The following GDPD4 variants were observed in gnomAD, a reference collection of about 807,000 sequenced individuals.
GDPD4 encodes the protein glycerophosphodiester phosphodiesterase domain containing 4.
GDPD4 carries 60 observed loss-of-function variants against 67.8 expected under a neutral mutation model. That is an observed-to-expected ratio of 0.88 (90% CI 0.72 to 1.10). GDPD4 has a LOEUF of 1.10. GDPD4 is among the 50% of genes least tolerant of loss of function. The probability of loss-of-function intolerance (pLI) is 0.00; values close to 1 mark genes in which losing one functional copy is unlikely to be tolerated. For synonymous variants in GDPD4, 212 were observed against 210.9 expected (o/e 1.00, Z -0.04); for missense variants, 623 against 613.9 (o/e 1.01, Z -0.16).
chr11:77,223,237 C>G (rs1333758369), intron 16 of GDPD4, among the ~76,000 whole-genome samples: 1 of 152,190 alleles, frequency 6.6e-6, no homozygotes, highest in Non-Finnish European at 1.5e-5. Flanking sequence ...CAAAGTCATT[C>G]TCCATCCAGC....
chr11:77,222,985 G>A (rs1958257007), intron 16 of GDPD4, among the ~76,000 whole-genome samples: 2 of 152,080 alleles, frequency 1.3e-5, no homozygotes, highest in South Asian at 2.1e-4. Flanking sequence ...TTCAATCACT[G>A]ATACCCTTTC....
chr11:77,270,006 T>A (rs1338989623), intron 7 of GDPD4, 46 bp from the exon 8 acceptor site: 1 of 932,936 alleles, frequency 1.1e-6, no homozygotes, highest in African/African-American at 1.7e-5. Context: ...TATTGTCCCC[T>A]TTAAGCCCTT....
At chr11:77,243,132 T>C (rs956221519) in intron 13 of GDPD4, among the ~76,000 whole-genome samples, 2 of 152,202 alleles carry the variant, frequency 1.3e-5, no homozygotes, top group Non-Finnish European at 2.9e-5. Context: ...GGAAAAGTTA[T>C]TTTATTCCCA....
intron 10 of GDPD4, among the ~76,000 whole-genome samples, chr11:77,259,987 T>C (rs376960391): frequency 2.0e-5 from 3 of 152,088 alleles, no homozygotes; most frequent in East Asian, 3.9e-4. Context: ...AGTAATTACA[T>C]AGGCTTTCTT....
intron 14 of GDPD4, among the ~76,000 whole-genome samples, chr11:77,229,822 T>C (rs962974646): frequency 1.3e-5 from 2 of 152,204 alleles, no homozygotes; most frequent in Non-Finnish European, 2.9e-5. Context: ...TACATGCTCC[T>C]CTTCTATGCT....
chr11:77,268,753 G>T (rs570044763), intron 9 of GDPD4, among the ~76,000 whole-genome samples, 171 bp downstream of exon 9: 2 of 152,160 alleles, frequency 1.3e-5, no homozygotes, highest in Non-Finnish European at 2.9e-5. Flanking sequence ...AAATGGACTG[G>T]GAGTTAGGTG....
chr11:77,265,798 C>T (rs1441472773), intron 10 of GDPD4, among the ~76,000 whole-genome samples: 1 of 152,098 alleles, frequency 6.6e-6, no homozygotes. Context: ...TTTGTGTTAC[C>T]TTTTAAAGTG....
At chr11:77,262,903 T>C (rs1959147903) in intron 10 of GDPD4, among the ~76,000 whole-genome samples, 2 of 138,068 alleles carry the variant, frequency 1.4e-5, no homozygotes, top group South Asian at 2.3e-4. Flanking sequence ...GGTGGGCATA[T>C]GTGGAGGAGA....
At chr11:77,234,457 A>G (rs528073287) in intron 13 of GDPD4, among the ~76,000 whole-genome samples, 1 of 152,274 alleles carries the variant, frequency 6.6e-6, no homozygotes, top group East Asian at 1.9e-4. Flanking sequence ...AATAGTGAAC[A>G]TAGTACCCCA....
chr11:77,266,720 G>A (rs1591560331), intron 10 of GDPD4, among the ~76,000 whole-genome samples: 2 of 152,024 alleles, frequency 1.3e-5, no homozygotes, highest in African/African-American at 2.4e-5. Context: ...TAATGTGTGT[G>A]CTTGTTTCTT....
intron 14 of GDPD4, among the ~76,000 whole-genome samples, chr11:77,231,702 T>A (rs1434670723): frequency 1.3e-5 from 2 of 152,234 alleles, no homozygotes; most frequent in Non-Finnish European, 2.9e-5. Context: ...TTTGAGACAT[T>A]ACTGATTCAG....
chr11:77,252,111 T>A (rs1351337322), intron 11 of GDPD4, among the ~76,000 whole-genome samples: 3 of 145,936 alleles, frequency 2.1e-5, no homozygotes, highest in African/African-American at 7.6e-5. Context: ...TAGCCCAGGC[T>A]GGAGTGCAGT....
At chr11:77,248,354 G>C (rs1233719920) in intron 11 of GDPD4, among the ~76,000 whole-genome samples, 70 of 150,030 alleles carry the variant, frequency 4.7e-4, no homozygotes, top group Non-Finnish European at 8.9e-4. Context: ...AGGCATGCAC[G>C]ATGACGCCCA....
At chr11:77,294,890 C>T (rs1937897583) in intron 1 of GDPD4, among the ~76,000 whole-genome samples, 1 of 149,958 alleles carries the variant, frequency 6.7e-6, no homozygotes, top group African/African-American at 2.5e-5. Flanking sequence ...GGAGAAAGGA[C>T]AGGTTTTTTG....
At chr11:77,248,847 G>T (rs1233937567) in intron 11 of GDPD4, among the ~76,000 whole-genome samples, 1 of 148,042 alleles carries the variant, frequency 6.8e-6, no homozygotes, top group Non-Finnish European at 1.5e-5. Flanking sequence ...TCAGCCTCCC[G>T]AGTAGCTGGG....
At chr11:77,270,867 T>C (rs1405436664) in intron 7 of GDPD4, 1 of 415,514 alleles carries the variant, frequency 2.4e-6, no homozygotes, top group South Asian at 3.2e-5. Flanking sequence ...TGTATAATAA[T>C]GTAGAGAAAG....
intron 13 of GDPD4, among the ~76,000 whole-genome samples, chr11:77,235,274 C>T: frequency 6.6e-6 from 1 of 151,992 alleles, no homozygotes; most frequent in East Asian, 1.9e-4. Flanking sequence ...AGTTCTCCCT[C>T]AAATAGATCT....
intron 1 of GDPD4, among the ~76,000 whole-genome samples, chr11:77,291,972 G>C (rs1352948207): frequency 1.3e-5 from 2 of 152,152 alleles, no homozygotes; most frequent in African/African-American, 4.8e-5. Context: ...GGAGGTTGCG[G>C]TGAGCCAAGA....
At position 77,217,214 on chromosome 11, in the gene GDPD4, A is replaced by T; in HGVS notation, c.*63T>A. ...GGGTAGAGCCGGGTAGAGGGCTGCT[A>T]GAGTCCAAGGACCTTCCACAACTCG... On this transcript the variant is annotated 3_prime_UTR_variant, in exon 17 of 17. Transcript: ENST00000315938. 1 of 1,229,508 alleles carries T rather than the reference A, an allele frequency of 8.1e-7. No homozygotes were observed. The highest frequency in any genetic ancestry group is 1.2e-6 in the Non-Finnish European group (1 of 828,726). The allele number at this position is 1,229,508 out of a possible 1,614,324, so 76.2% of individuals were successfully genotyped here.
Sources: allele counts gnomAD v4.1 joint callset (sites outside exome capture counted in the v4.1 genomes callset), GRCh38; gene constraint gnomAD v4.1.1; transcripts MANE v1.5; gene names NCBI Gene and HGNC (gene_info 2026-07-23, HGNC 2026-07-21).